Variants in OTOG observed in about 807,000 individuals in gnomAD.
OTOG encodes otogelin.
Under a neutral mutation model 313.8 loss-of-function variants are expected in OTOG, and 296 were observed. That is an observed-to-expected ratio of 0.94 (90% confidence interval 0.86 to 1.04). OTOG has a LOEUF of 1.04. Ranked by LOEUF, OTOG falls within the 50% of genes least tolerant of loss-of-function variation. The pLI is 0.00. For synonymous variants in OTOG, 1,533 were observed against 1,554.9 expected (o/e 0.99, Z 0.33); for missense variants, 3,948 against 3,840.1 (o/e 1.03, Z -0.74).
intron 53 of OTOG, among the ~76,000 whole-genome samples, 197 bp from the exon 54 acceptor site, chr11:17,643,264 G>A (rs1848010308): frequency 6.6e-6 from 1 of 152,222 alleles, no homozygotes; most frequent in African/African-American, 2.4e-5. Context: ...GCCGCAAGGG[G>A]GCTACGTGCA....
At chr11:17,572,826 T>A (rs1852433475) in intron 18 of OTOG, among the ~76,000 whole-genome samples, 1 of 152,242 alleles carries the variant, frequency 6.6e-6, no homozygotes, top group Non-Finnish European at 1.5e-5. Context: ...TCTATATGAA[T>A]TTTTTAGTGA....
At chr11:17,613,466 G>A in intron 38 of OTOG, 146 bp from the exon 39 acceptor site, 1 of 655,974 alleles carries the variant, frequency 1.5e-6, no homozygotes. Flanking sequence ...GCAATCCTGG[G>A]CACCATCAGC....
In OTOG at chr11:17,548,000, G is replaced by T; in HGVS notation, c.155+13G>T. On this transcript the variant is annotated intron_variant, in intron 2 of 55. Transcript: ENST00000399397. ...CCGGGCAACCCAGGTGAGTAGGTGTGAGCTGTGGCGGCCCCACCCACAGCT... is the reference window on the plus strand; with the variant it reads ...CCGGGCAACCCAGGTGAGTAGGTGTTAGCTGTGGCGGCCCCACCCACAGCT... 1 of 788,922 alleles carries T rather than the reference G, an allele frequency of 1.3e-6. No homozygotes were observed. Among genetic ancestry groups the T allele is most frequent in the Non-Finnish European group, 1.9e-6 (1 of 528,278 alleles). 48.9% of individuals were successfully genotyped at this position (788,922 alleles called of 1,614,324 possible). A position where few individuals can be genotyped will look rare whatever the true frequency, so the allele number is the denominator to read the frequency against.
rs199499123 is a variant in OTOG at position 17,613,178 on chromosome 11, CTT to C, written c.6438+415_6438+416del. Among the ~76,000 whole-genome samples, 472 of 99,336 alleles carry C rather than the reference CTT, an allele frequency of 4.8e-3. 7 individuals are homozygous for C. Among genetic ancestry groups the C allele is most frequent in the African/African-American group, 0.021 (453 of 21,282 alleles). The allele number at this position is 99,336 out of a possible 152,430, so 65.2% of individuals were successfully genotyped here. On this transcript the variant is annotated intron_variant, in intron 38 of 55. Transcript: ENST00000399397. ...TTCTCTTCTCTTCTCCCTTTTCTTTCTTTCTTTCTTTCTTTCTTTTCTTTCTT... is the reference window on the plus strand; with the variant it reads ...TTCTCTTCTCTTCTCCCTTTTCTTTCTCTTTCTTTCTTTCTTTTCTTTCTT...
intron 39 of OTOG, among the ~76,000 whole-genome samples, chr11:17,621,754 G>A (rs1853870112): frequency 6.6e-6 from 1 of 152,074 alleles, no homozygotes; most frequent in African/African-American, 2.4e-5. Flanking sequence ...TAATAACCTT[G>A]GACAATCATA....
At chr11:17,631,210 C>A (rs998359214) in intron 40 of OTOG, among the ~76,000 whole-genome samples, 4 of 152,172 alleles carry the variant, frequency 2.6e-5, no homozygotes, top group Admixed American at 6.5e-5. Context: ...TTATAATCAG[C>A]TAGCAATCAC....
chr11:17,560,493 G>A (rs948634684), intron 12 of OTOG, among the ~76,000 whole-genome samples: 3 of 152,166 alleles, frequency 2.0e-5, no homozygotes, highest in Non-Finnish European at 2.9e-5. Flanking sequence ...GGGGTTGTGG[G>A]CAGTTCTCTG....
At chr11:17,598,671 G>C (rs544958796) in intron 30 of OTOG, among the ~76,000 whole-genome samples, 4 of 152,286 alleles carry the variant, frequency 2.6e-5, no homozygotes, top group Admixed American at 2.0e-4. Flanking sequence ...GAGTGAGGGA[G>C]GTGGGATTTG....
Position 17,611,395 on chromosome 11 carries a change from C to A in OTOG, c.6095C>A (p.Thr2032Asn). The change falls in exon 36 of 56, where the codon ACT becomes AAT. Residue 2032 changes from threonine (T) to asparagine (N), a missense_variant. By Grantham distance (65) the Thr-to-Asn change is moderately conservative (BLOSUM62 0). Transcript: ENST00000399397. ...TTGGCGGAGGCTTTGGCAACTACCA[C>A]TGAGGCCAATACATCCACCACCTGT... ...EGLAEALATT[T>N]EANTSTTCVP... The A allele has an allele frequency of 6.5e-7, 1 of 1,537,046 alleles. No individual in the cohort carries two copies. Among genetic ancestry groups the A allele is most frequent in the Non-Finnish European group, 8.8e-7 (1 of 1,137,556 alleles).
intron 44 of OTOG, 66 bp from the exon 45 acceptor site, chr11:17,634,778 T>C: frequency 2.2e-6 from 3 of 1,349,154 alleles, no homozygotes; most frequent in Non-Finnish European, 3.1e-6. Flanking sequence ...TGTCCAGTGT[T>C]CTCCACTGGA....
chr11:17,618,852 T>C (rs1398320377), intron 39 of OTOG, among the ~76,000 whole-genome samples: 1 of 152,252 alleles, frequency 6.6e-6, no homozygotes, highest in Non-Finnish European at 1.5e-5. Context: ...TTGTCTGACT[T>C]GCCTGTAATA....
At position 17,609,921 on chromosome 11, in the gene OTOG, C is replaced by G; in HGVS notation, c.4621C>G (p.Leu1541Val). 6.6e-7 allele frequency: 1 copy of G among 1,525,732 alleles called. No individual in the cohort carries two copies. The highest frequency in any genetic ancestry group is 8.8e-7 in the Non-Finnish European group (1 of 1,133,118). The allele number at this position is 1,525,732 out of a possible 1,614,324, so 94.5% of individuals were successfully genotyped here. The change falls in exon 36 of 56, where the codon CTC becomes GTC. Residue 1541 changes from leucine (L) to valine (V), a missense_variant. By Grantham distance (32) the Leu-to-Val change is conservative. Coordinates refer to ENST00000399397, the MANE Select transcript of OTOG (RefSeq NM_001292063.2). ...QQPLELTASQ[L>V]PAGPTESPAS... ...GCCACTGGAGCTCACTGCATCTCAA[C>G]TCCCCGCCGGCCCCACGGAGTCCCC... is the stretch of plus-strand genomic sequence containing the variant.
chr11:17,619,354 A>G (rs1853807075), intron 39 of OTOG, among the ~76,000 whole-genome samples: 1 of 152,146 alleles, frequency 6.6e-6, no homozygotes, highest in Non-Finnish European at 1.5e-5. Context: ...CCAATCTGAC[A>G]ATCTCTTCCT....
At chr11:17,564,276 A>T (rs1565094706) in intron 15 of OTOG, among the ~76,000 whole-genome samples, 1 of 152,198 alleles carries the variant, frequency 6.6e-6, no homozygotes, top group African/African-American at 2.4e-5. Context: ...GACAGCTTCC[A>T]TACAGCTACA....
intron 40 of OTOG, among the ~76,000 whole-genome samples, chr11:17,631,292 C>A (rs1590055041): frequency 6.6e-6 from 1 of 150,748 alleles, no homozygotes; most frequent in South Asian, 2.1e-4. Flanking sequence ...AAATTTAGAA[C>A]TTGCAAAGAC....
chr11:17,631,356 T>TTCTCTCTCTCTC (rs143019994), intron 40 of OTOG, among the ~76,000 whole-genome samples: 11 of 141,762 alleles, frequency 7.8e-5, no homozygotes, highest in African/African-American at 3.0e-4. Context: ...GCTTCTCTCC[T>TTCTCTCTCTCTC]TCTCTCTCTC....
intron 26 of OTOG, 100 bp downstream of exon 26, chr11:17,593,427 C>A: frequency 6.9e-7 from 1 of 1,459,464 alleles, no homozygotes; most frequent in South Asian, 1.4e-5. Context: ...ATAGCAGTTT[C>A]TCTTGGAGAG....
rs1281379084 is a variant in OTOG, at chr11:17,553,390, C to T, written c.411C>T (p.Asp137=). ...TGTACAATGCCGGCCCTGAGAGGGA[C>T]AGCATTTGCCGGGCGTGGGGGCAGC... is the stretch of plus-strand genomic sequence containing the variant. The part of the protein sequence containing the change: ...QMVYNAGPER[D]SICRAWGQHH... The change falls in exon 6 of 56, where the codon GAC becomes GAT. Residue 137 remains aspartate (D), a synonymous_variant. Coordinates refer to ENST00000399397, the MANE Select transcript of OTOG (RefSeq NM_001292063.2). 3 of 1,463,962 alleles carry T rather than the reference C, an allele frequency of 2.0e-6. No homozygotes were observed. Among genetic ancestry groups the T allele is most frequent in the African/African-American group, 1.4e-5 (1 of 70,314 alleles). The allele number at this position is 1,463,962 out of a possible 1,614,324, so 90.7% of individuals were successfully genotyped here.
chr11:17,566,382 A>G lies in OTOG; in HGVS notation c.1645-2774A>G, dbSNP rs370279189. Among the ~76,000 whole-genome samples, 8 of 152,260 alleles carry G rather than the reference A, an allele frequency of 5.3e-5. No individual in the cohort carries two copies. The East Asian group carries it at 9.6e-4, about 18-fold the overall frequency. ...CAAGCATCCATATTTTTTTCCAAATATTTTCAATCCATGGTTGGTTGAATC... is the reference window on the plus strand; with the variant it reads ...CAAGCATCCATATTTTTTTCCAAATGTTTTCAATCCATGGTTGGTTGAATC... On this transcript the variant is annotated intron_variant, in intron 15 of 55. Coordinates refer to ENST00000399397, the MANE Select transcript of OTOG (RefSeq NM_001292063.2).
Sources: allele counts gnomAD v4.1 joint callset (sites outside exome capture counted in the v4.1 genomes callset), GRCh38; gene constraint gnomAD v4.1.1; transcripts MANE v1.5; gene names NCBI Gene and HGNC (gene_info 2026-07-23, HGNC 2026-07-21).